Variants in TDRP observed in about 807,000 individuals in gnomAD.
TDRP encodes the protein testis development-related protein.
Under a neutral mutation model 10.5 loss-of-function variants are expected in TDRP, and 12 were observed. The ratio of observed to expected loss-of-function variants is 1.15; its 90% CI spans 0.73 to 1.86. The LOEUF is 1.86. TDRP is among the 40% of genes most tolerant of loss of function. The probability of loss-of-function intolerance (pLI) is 0.00; values close to 1 mark genes in which losing one functional copy is unlikely to be tolerated. For missense variants in TDRP, 353 were observed against 229.2 expected, an observed-to-expected ratio of 1.54 and a Z score of -3.49; for synonymous variants, 139 against 95.4, an observed-to-expected ratio of 1.46 and a Z score of -2.67.
chr8:490,584 C>T lies in TDRP; in HGVS notation c.*1815G>A, dbSNP rs777732844. On this transcript the variant is annotated 3_prime_UTR_variant, in exon 3 of 3. Transcript: ENST00000324079. Reference sequence around the variant, plus strand: ...ACCATGTTAGCCAAAAACAAACCTACACTGACTTCCGCTGGAAAGTATTTG... The same window carrying T: ...ACCATGTTAGCCAAAAACAAACCTATACTGACTTCCGCTGGAAAGTATTTG... The T allele has an allele frequency of 6.6e-6, 1 of 152,230 alleles. No individual in the cohort carries two copies. 9.4% of individuals were successfully genotyped at this position (152,230 alleles called of 1,614,324 possible).
chr8:522,781 CTTCT>C (rs1801940298), intron 1 of TDRP, among the ~76,000 whole-genome samples: 2 of 152,250 alleles, frequency 1.3e-5, no homozygotes, highest in African/African-American at 4.8e-5. Flanking sequence ...TTACATAGTC[CTTCT>C]TTGTGTTTTG....
rs1439590071 is a variant in TDRP, at chr8:492,604, T to C, written c.353A>G (p.Asp118Gly). The change falls in exon 3 of 3, where the codon GAC becomes GGC. Residue 118 changes from aspartate to glycine, a missense_variant. By Grantham distance (94) the Asp-to-Gly change is moderately conservative (BLOSUM62 -1). Coordinates refer to ENST00000324079, the MANE Select transcript of TDRP (RefSeq NM_001384899.1). ...GGTGTCCTCAGGGTCAGCCGATATG[T>C]CTTCAAGAGCAAGTTTTGGAGGCTC... ...GWEPPKLALE[D>G]ISADPEDTVG... 3 of 1,614,010 alleles carry C rather than the reference T, an allele frequency of 1.9e-6. No homozygotes were observed. Among genetic ancestry groups the C allele is most frequent in the Non-Finnish European group, 2.5e-6 (3 of 1,179,866 alleles).
At chr8:515,524 GA>G (rs1801734137) in intron 1 of TDRP, among the ~76,000 whole-genome samples, 1 of 152,088 alleles carries the variant, frequency 6.6e-6, no homozygotes, top group South Asian at 2.1e-4. Context: ...CATTTTTGTC[GA>G]TCATCATGTC....
At chr8:533,781 A>C (rs1802272094) in intron 1 of TDRP, among the ~76,000 whole-genome samples, 1 of 152,152 alleles carries the variant, frequency 6.6e-6, no homozygotes, top group Admixed American at 6.5e-5. Context: ...AAAAAAGGGA[A>C]GTATATAAAG....
Position 509,644 on chromosome 8 carries a change from G to C in TDRP, c.109-15047C>G, listed in dbSNP as rs182131312. Among the ~76,000 whole-genome samples, 91 of 152,126 alleles carry C rather than the reference G, an allele frequency of 6.0e-4. 1 individual carries two copies. The highest frequency in any genetic ancestry group is 2.1e-4 in the Non-Finnish European group (14 of 68,030). On this transcript the variant is annotated intron_variant, in intron 1 of 2. Coordinates refer to ENST00000324079, the MANE Select transcript of TDRP (RefSeq NM_001384899.1). ...ACCCATTTTTTCCTCCGGGCCTCCA[G>C]GCCTGTGATGGGAGGGGCTGCCCCA...
At chr8:517,069 G>C (rs1801775794) in intron 1 of TDRP, among the ~76,000 whole-genome samples, 2 of 152,290 alleles carry the variant, frequency 1.3e-5, no homozygotes, top group Admixed American at 6.5e-5. Context: ...TGATGGGAAG[G>C]AGGAAGTCAG....
intron 1 of TDRP, among the ~76,000 whole-genome samples, chr8:506,789 C>G (rs762996137): frequency 1.3e-5 from 2 of 152,192 alleles, no homozygotes; most frequent in East Asian, 1.9e-4. Flanking sequence ...CCAGCACTAA[C>G]CTTCAGAGCT....
chr8:530,975 C>G (rs1011298845), intron 1 of TDRP, among the ~76,000 whole-genome samples: 1 of 152,082 alleles, frequency 6.6e-6, no homozygotes, highest in Non-Finnish European at 1.5e-5. Context: ...TTCTCTGAAG[C>G]CCCCAGGCAT....
rs375612847 is a variant in TDRP, at chr8:506,322, G to A, written c.109-11725C>T. On this transcript the variant is annotated intron_variant, in intron 1 of 2. Coordinates refer to ENST00000324079, the MANE Select transcript of TDRP (RefSeq NM_001384899.1). ...TACCCTCCCAGCTCGGCAGCGGGGG[G>A]AGGGGAGGAGAATCCACTCAGATCA... 7.9e-5 allele frequency among the ~76,000 whole-genome samples: 12 copies of A among 152,298 alleles called. No individual in the cohort carries two copies. The South Asian group carries it at 2.5e-3, about 32-fold the overall frequency.
intron 1 of TDRP, among the ~76,000 whole-genome samples, chr8:536,221 A>T (rs1419788980): frequency 6.6e-6 from 1 of 152,190 alleles, no homozygotes; most frequent in African/African-American, 2.4e-5. Context: ...GACACCTGGA[A>T]TTTACCTAGC....
rs527531185 is a variant in TDRP at position 511,788 on chromosome 8, ACT to A, written c.109-17193_109-17192del. Among the ~76,000 whole-genome samples, 242 of 152,248 alleles carry A rather than the reference ACT, an allele frequency of 1.6e-3. 3 individuals carry two copies. The highest frequency in any genetic ancestry group is 5.7e-3 in the African/African-American group (236 of 41,548). ...TGAAATTAGAAATGAGGCAGGAAAA[ACT>A]CTCAAATATGTGGAAATTTTAAAAC... On this transcript the variant is annotated intron_variant, in intron 1 of 2. Transcript: ENST00000324079.
At chr8:495,629 G>C (rs1801107155) in intron 1 of TDRP, among the ~76,000 whole-genome samples, 1 of 152,196 alleles carries the variant, frequency 6.6e-6, no homozygotes, top group Non-Finnish European at 1.5e-5. Context: ...CATTGCTAGG[G>C]CTGGGAAGGG....
intron 1 of TDRP, among the ~76,000 whole-genome samples, chr8:535,144 T>C (rs1802312805): frequency 6.6e-6 from 1 of 152,188 alleles, no homozygotes; most frequent in African/African-American, 2.4e-5. Flanking sequence ...GGTTTTAATA[T>C]ACATTTATTA....
At chr8:513,884 C>G (rs113113224) in intron 1 of TDRP, among the ~76,000 whole-genome samples, 4,083 of 152,286 alleles carry the variant, frequency 0.027, 95 homozygotes, top group Non-Finnish European at 0.042. Flanking sequence ...ATTAAGAAAG[C>G]AATTCCAGTT....
At chr8:533,959 T>A (rs1344324773) in intron 1 of TDRP, among the ~76,000 whole-genome samples, 1 of 152,170 alleles carries the variant, frequency 6.6e-6, no homozygotes, top group East Asian at 1.9e-4. Context: ...CACTGTCATG[T>A]TTACTGTATT....
At chr8:499,622 C>G (rs751493878) in intron 1 of TDRP, among the ~76,000 whole-genome samples, 1 of 152,230 alleles carries the variant, frequency 6.6e-6, no homozygotes, top group African/African-American at 2.4e-5. Context: ...CAGACATGAT[C>G]GAAGTGTGAG....
chr8:507,990 C>T (rs890182931), intron 1 of TDRP, among the ~76,000 whole-genome samples: 1 of 152,134 alleles, frequency 6.6e-6, no homozygotes. Flanking sequence ...AAAAGGAAGA[C>T]CCATACATCA....
chr8:530,259 T>C (rs1276450614), intron 1 of TDRP, among the ~76,000 whole-genome samples: 1 of 152,218 alleles, frequency 6.6e-6, no homozygotes, highest in East Asian at 1.9e-4. Context: ...TTTCATTTGC[T>C]TGACTATCTC....
At chr8:514,627 G>A (rs1354087477) in intron 1 of TDRP, among the ~76,000 whole-genome samples, 3 of 152,140 alleles carry the variant, frequency 2.0e-5, no homozygotes, top group South Asian at 2.1e-4. Flanking sequence ...AAACCACCCT[G>A]TGACTGCCGG....
Sources: allele counts gnomAD v4.1 joint callset (sites outside exome capture counted in the v4.1 genomes callset), GRCh38; gene constraint gnomAD v4.1.1; transcripts MANE v1.5; gene names NCBI Gene and HGNC (gene_info 2026-07-23, HGNC 2026-07-21).